Variants in IFIT1 observed in about 807,000 individuals in gnomAD.
The protein encoded by IFIT1 is interferon induced protein with tetratricopeptide repeats 1, also known as antiviral innate immune response effector IFIT1.
Under a neutral mutation model 2.5 loss-of-function variants are expected in IFIT1, and 1 was observed. The observed-to-expected ratio is 0.40, with a 90% CI of 0.14 to 1.92. IFIT1 has a LOEUF of 1.92. Among genes scored for constraint, IFIT1 ranks in the 40% most tolerant of loss-of-function variants. The pLI is 0.31. For missense variants in IFIT1, 508 were observed against 557.8 expected (o/e 0.91, Z 0.90); for synonymous variants, 191 against 201.7 (o/e 0.95, Z 0.45).
At chr10:89,392,810 T>A (rs1844276997) in intron 1 of IFIT1, 93 bp downstream of exon 1, 2 of 1,331,004 alleles carry the variant, frequency 1.5e-6, no homozygotes, top group African/African-American at 2.9e-5. Context: ...CTCAGTGAGG[T>A]CAGGTTTTCT....
chr10:89,392,854 A>G, intron 1 of IFIT1, 137 bp downstream of exon 1: 2 of 868,272 alleles, frequency 2.3e-6, no homozygotes. Flanking sequence ...TTATGGACTG[A>G]ATGTGTGCAT....
intron 1 of IFIT1, among the ~76,000 whole-genome samples, chr10:89,394,750 G>A (rs1844316971): frequency 6.6e-6 from 1 of 151,560 alleles, no homozygotes; most frequent in South Asian, 2.1e-4. Flanking sequence ...GTATATTCAT[G>A]ATACTACTGT....
Position 89,403,577 on chromosome 10 carries a change from A to G in IFIT1, c.1302A>G (p.Ala434=). Residue 434 remains alanine (A), a synonymous_variant, in exon 2 of 2, where the codon GCA becomes GCG. Coordinates refer to ENST00000371804, the MANE Select transcript of IFIT1 (RefSeq NM_001548.5). The part of the protein sequence containing the change: ...KLVLRKLRRK[A]LDLESLSLLG... ...TTTTAAGGAAACTTCGGAGAAAGGC[A>G]TTAGATCTGGAAAGCTTGAGCCTCC... The G allele has an allele frequency of 6.2e-7, 1 of 1,614,124 alleles. No homozygotes were observed. Among genetic ancestry groups the G allele is most frequent in the Non-Finnish European group, 8.5e-7 (1 of 1,179,940 alleles).
rs1844437872 is a variant in IFIT1, at chr10:89,402,291, G to A, written c.16G>A (p.Asp6Asn). The A allele has an allele frequency of 6.2e-7, 1 of 1,607,318 alleles. No individual in the cohort carries two copies. Among genetic ancestry groups the A allele is most frequent in the Non-Finnish European group, 8.5e-7 (1 of 1,176,256 alleles). Residue 6 changes from aspartate (D) to asparagine (N), a missense_variant, in exon 2 of 2, where the codon GAT (aspartate) becomes AAT (asparagine). Coordinates refer to ENST00000371804, the MANE Select transcript of IFIT1 (RefSeq NM_001548.5). MSTNG[D>N]DHQVKDSLEQ... The stretch of plus-strand genomic sequence containing the variant: ...TTTTTGTTTTTACAGTACAAATGGT[G>A]ATGATCATCAGGTCAAGGATAGTCT...
chr10:89,402,176 G>A, intron 1 of IFIT1, 105 bp from the exon 2 acceptor site: 1 of 709,980 alleles, frequency 1.4e-6, no homozygotes, highest in South Asian at 1.9e-5. Context: ...ACCTAAGTAA[G>A]TTGATCCTTT....
Position 89,403,285 on chromosome 10 carries a change from C to T in IFIT1, c.1010C>T (p.Pro337Leu). Reference sequence around the variant, plus strand: ...TTTGAATCTGCAGTGGAAAAAAAGCCCACATTTGAGGTGGCTCATCTAGAC... The same window carrying T: ...TTTGAATCTGCAGTGGAAAAAAAGCTCACATTTGAGGTGGCTCATCTAGAC... ...FHFESAVEKK[P>L]TFEVAHLDLA... Residue 337 changes from proline (P) to leucine (L), a missense_variant, in exon 2 of 2, where the codon CCC becomes CTC. Coordinates refer to ENST00000371804, the MANE Select transcript of IFIT1 (RefSeq NM_001548.5). 5 of 1,614,050 alleles carry T rather than the reference C, an allele frequency of 3.1e-6. No homozygotes were observed. Among genetic ancestry groups the T allele is most frequent in the Non-Finnish European group, 4.2e-6 (5 of 1,180,014 alleles).
At chr10:89,394,174 G>GTGCAGCATGT (rs1844299437) in intron 1 of IFIT1, among the ~76,000 whole-genome samples, 1 of 152,116 alleles carries the variant, frequency 6.6e-6, no homozygotes, top group African/African-American at 2.4e-5. Context: ...GCATGTTACT[G>GTGCAGCATGT]TACTGAATAC....
chr10:89,396,618 C>T (rs538249562), intron 1 of IFIT1, among the ~76,000 whole-genome samples: 1 of 152,316 alleles, frequency 6.6e-6, no homozygotes, highest in Admixed American at 6.5e-5. Context: ...CTCTATGATC[C>T]AAACACATCC....
intron 1 of IFIT1, chr10:89,393,330 T>G (rs367616239): frequency 7.8e-7 from 1 of 1,281,756 alleles, no homozygotes; most frequent in Non-Finnish European, 1.0e-6. Flanking sequence ...CCCTGGAAAA[T>G]CTAGGCTCTT....
Position 89,405,616 on chromosome 10 carries a change from C to A in IFIT1, c.*1904C>A, listed in dbSNP as rs1459306713. The A allele has an allele frequency of 2.6e-5, 4 of 152,194 alleles. No individual in the cohort carries two copies. The highest frequency in any genetic ancestry group is 5.9e-5 in the Non-Finnish European group (4 of 68,050). 9.4% of individuals were successfully genotyped at this position (152,194 alleles called of 1,614,324 possible). A position where few individuals can be genotyped will look rare whatever the true frequency, so the allele number is the denominator to read the frequency against. ...TCCTCCGGAGGCTCTAGGCAGATAG[C>A]CTTTTCCAGCTTCCAGAGGCTGCCT... On this transcript the variant is annotated 3_prime_UTR_variant, in exon 2 of 2. Transcript: ENST00000371804.
At chr10:89,399,194 G>A (rs1401600322) in intron 1 of IFIT1, among the ~76,000 whole-genome samples, 1 of 152,010 alleles carries the variant, frequency 6.6e-6, no homozygotes, top group African/African-American at 2.4e-5. Context: ...GTCTATTTAA[G>A]TCCTTTGCCC....
rs1844438364 is a variant in IFIT1 at position 89,402,302 on chromosome 10, G to T, written c.27G>T (p.Gln9His). The T allele has an allele frequency of 6.2e-7, 1 of 1,612,178 alleles. No individual in the cohort carries two copies. Among genetic ancestry groups the T allele is most frequent in the Admixed American group, 1.7e-5 (1 of 59,856 alleles). The change falls in exon 2 of 2, where the codon CAG (glutamine) becomes CAT (histidine). Residue 9 changes from glutamine to histidine, a missense_variant. Gln to His is a conservative substitution (Grantham distance 24). Transcript: ENST00000371804. ...ACAGTACAAATGGTGATGATCATCAGGTCAAGGATAGTCTGGAGCAATTGA... is the reference window on the plus strand; with the variant it reads ...ACAGTACAAATGGTGATGATCATCATGTCAAGGATAGTCTGGAGCAATTGA... MSTNGDDH[Q>H]VKDSLEQLRC...
chr10:89,394,608 A>AACTTG (rs1844312189), intron 1 of IFIT1, among the ~76,000 whole-genome samples: 1 of 20,860 alleles, frequency 4.8e-5, no homozygotes, highest in African/African-American at 3.3e-4. Flanking sequence ...ATATATATAT[A>AACTTG]TATATATATA....
chr10:89,396,856 G>T (rs1844351394), intron 1 of IFIT1, among the ~76,000 whole-genome samples: 1 of 152,164 alleles, frequency 6.6e-6, no homozygotes, highest in Admixed American at 6.5e-5. Context: ...TCATGTGTTT[G>T]CTAGTCCTTT....
chr10:89,401,213 C>T (rs1206153036), intron 1 of IFIT1, among the ~76,000 whole-genome samples: 3 of 151,618 alleles, frequency 2.0e-5, no homozygotes, highest in African/African-American at 7.3e-5. Flanking sequence ...GCCTCTCAGA[C>T]TCAAGCGATT....
In IFIT1 at chr10:89,404,207, AAGAAC is replaced by A. The variant is rs1195450208; in HGVS notation, c.*500_*504del. On this transcript the variant is annotated 3_prime_UTR_variant, in exon 2 of 2. Transcript: ENST00000371804. ...GTTAAACAGAAACCCATGGAAAACA[AAGAAC>A]AGAAGACTCACTCCTTGGCTGACTT... 2 of 152,518 alleles carry A rather than the reference AAGAAC, an allele frequency of 1.3e-5. No individual in the cohort carries two copies. Among genetic ancestry groups the A allele is most frequent in the Non-Finnish European group, 2.9e-5 (2 of 68,334 alleles). The allele number at this position is 152,518 out of a possible 1,614,324, so 9.4% of individuals were successfully genotyped here. A position where few individuals can be genotyped will look rare whatever the true frequency, so the allele number is the denominator to read the frequency against.
chr10:89,406,303 T>A lies in IFIT1; in HGVS notation c.*2591T>A, dbSNP rs1017628545. 1 of 151,454 alleles carries A rather than the reference T, an allele frequency of 6.6e-6. No homozygotes were observed. Among genetic ancestry groups the A allele is most frequent in the South Asian group, 2.1e-4 (1 of 4,824 alleles). The allele number at this position is 151,454 out of a possible 1,614,324, so 9.4% of individuals were successfully genotyped here. A position where few individuals can be genotyped will look rare whatever the true frequency, so the allele number is the denominator to read the frequency against. On this transcript the variant is annotated 3_prime_UTR_variant, in exon 2 of 2. Transcript: ENST00000371804. ...GCTAAAGTATTGTAAAATGGACCAG[T>A]CAACACTCTGTAAAATGGACCAATC...
chr10:89,404,503 C>T lies in IFIT1; in HGVS notation c.*791C>T, dbSNP rs532126294. 1 of 152,396 alleles carries T rather than the reference C, an allele frequency of 6.6e-6. No individual in the cohort carries two copies. Among genetic ancestry groups the T allele is most frequent in the African/African-American group, 2.4e-5 (1 of 41,580 alleles). 9.4% of individuals were successfully genotyped at this position (152,396 alleles called of 1,614,324 possible). The stretch of plus-strand genomic sequence containing the variant: ...ATGTGACATACATGTTTACATACCA[C>T]TATTGTGTGACTGCCCCTCATGAAT... On this transcript the variant is annotated 3_prime_UTR_variant, in exon 2 of 2. Coordinates refer to ENST00000371804, the MANE Select transcript of IFIT1 (RefSeq NM_001548.5).
chr10:89,402,890 C>G lies in IFIT1; in HGVS notation c.615C>G (p.Pro205=), dbSNP rs202196296. The stretch of plus-strand genomic sequence containing the variant: ...ATCACAAGCCATTTTCTTTGCTTCC[C>G]CTAAGGCAGGCTGTCCGCTTAAATC... The part of the protein sequence containing the change: ...TKNHKPFSLL[P]LRQAVRLNPD... The change falls in exon 2 of 2, where the codon CCC becomes CCG. Residue 205 remains proline, a synonymous_variant. Coordinates refer to ENST00000371804, the MANE Select transcript of IFIT1 (RefSeq NM_001548.5). The G allele has an allele frequency of 3.1e-6, 5 of 1,614,070 alleles. 1 individual carries two copies. In the Admixed American group the frequency reaches 6.7e-5, roughly 22 times the overall value.
Sources: allele counts gnomAD v4.1 joint callset (sites outside exome capture counted in the v4.1 genomes callset), GRCh38; gene constraint gnomAD v4.1.1; transcripts MANE v1.5; gene names NCBI Gene and HGNC (gene_info 2026-07-23, HGNC 2026-07-21).